The following NPTX1 variants were observed in gnomAD, a reference collection of about 807,000 sequenced individuals.
NPTX1 encodes neuronal pentraxin-1.
A neutral mutation model predicts 38.7 loss-of-function variants in NPTX1; 12 were observed. The observed-to-expected ratio is 0.31, with a 90% confidence interval of 0.20 to 0.50. NPTX1 has a LOEUF of 0.50. Among genes scored for constraint, NPTX1 ranks in the 20% least tolerant of loss-of-function variants. The pLI, the probability that NPTX1 is intolerant of heterozygous loss-of-function variation, is 0.98. For missense variants in NPTX1, 454 were observed against 592.2 expected (o/e 0.77, Z 2.42); for synonymous variants, 272 against 264.9 (o/e 1.03, Z -0.26).
rs370572568 is a variant in NPTX1, at chr17:80,471,783, C to T, written c.1026G>A (p.Ala342=). ...GTQGGSGENL[A]PYHPIKPQGV... The stretch of plus-strand genomic sequence containing the variant: ...CCTGGGGCTTGATGGGGTGATAGGG[C>T]GCCAAGTTCTCGCCACTGCCACCCT... The change falls in exon 4 of 5, where the codon GCG becomes GCA. Residue 342 remains alanine, a synonymous_variant. Coordinates refer to ENST00000306773, the MANE Select transcript of NPTX1 (RefSeq NM_002522.4). The T allele has an allele frequency of 1.9e-5, 30 of 1,613,142 alleles. No homozygotes were observed. The highest frequency in any genetic ancestry group is 1.3e-4 in the African/African-American group (10 of 74,936).
In NPTX1 at chr17:80,475,575, C is replaced by G. The variant is rs762907613; in HGVS notation, c.588G>C (p.Glu196Asp). The G allele has an allele frequency of 6.2e-7, 1 of 1,612,946 alleles. No individual in the cohort carries two copies. The highest frequency in any genetic ancestry group is 8.5e-7 in the Non-Finnish European group (1 of 1,179,924). Reference sequence around the variant, plus strand: ...GGGCGGTCTCGATCTTGACCCTCTCCTCGGTGTCGTTCCTGGGGCCCCCCT... The same window carrying G: ...GGGCGGTCTCGATCTTGACCCTCTCGTCGGTGTCGTTCCTGGGGCCCCCCT... ...EGKGGPRNDT[E>D]ERVKIETALT... The change falls in exon 2 of 5, where the codon GAG becomes GAC. Residue 196 changes from glutamate (E) to aspartate (D), a missense_variant. By Grantham distance (45) the Glu-to-Asp change is conservative. Transcript: ENST00000306773. The surrounding 1 kb of genome is among the most constrained non-coding windows in gnomAD (Gnocchi z 6.5).
In NPTX1 at chr17:80,475,438, T is replaced by TGGGG; in HGVS notation, c.652+72_652+73insCCCC. 1 of 1,099,666 alleles carries TGGGG rather than the reference T, an allele frequency of 9.1e-7. No homozygotes were observed. The highest frequency in any genetic ancestry group is 1.3e-6 in the Non-Finnish European group (1 of 789,828). 68.1% of individuals were successfully genotyped at this position (1,099,666 alleles called of 1,614,324 possible). On this transcript the variant is annotated intron_variant, in intron 2 of 4. Coordinates refer to ENST00000306773, the MANE Select transcript of NPTX1 (RefSeq NM_002522.4). This position sits in a 1 kb window ranked among gnomAD's most constrained non-coding sequence, Gnocchi z 6.5. Reference sequence around the variant, plus strand: ...CTTGCACAGTGCAGAGCTGGGCTGTTAGGGATCGGGACCGAGGCAGGGTCG... The same window carrying TGGGG: ...CTTGCACAGTGCAGAGCTGGGCTGTTGGGGAGGGATCGGGACCGAGGCAGGGTCG...
chr17:80,476,047 C>A lies in NPTX1; in HGVS notation c.400G>T (p.Gly134Trp), dbSNP rs763638088. 1.9e-6 allele frequency: 3 copies of A among 1,608,746 alleles called. No individual in the cohort carries two copies. The highest frequency in any genetic ancestry group is 2.2e-5 in the South Asian group (2 of 90,914). ...GTTTTGAGCGATTGCAAAGTTTGCC[C>A]GAGTTGGCTGAGCGTCTCGGCGGCC... Reference protein sequence around the residue: ...TPAAETLSQLGQTLQSLKTRL... With the variant: ...TPAAETLSQLWQTLQSLKTRL... The change falls in exon 1 of 5, where the codon GGG becomes TGG. Residue 134 changes from glycine (G) to tryptophan (W), a missense_variant. Physicochemically the swap from Gly to Trp is radical, Grantham distance 184 (BLOSUM62 -2). Around this residue, in one of 4 missense-constraint regions of NPTX1, gnomAD observed 288 missense variants for 318.4 expected, o/e 0.90. Transcript: ENST00000306773. This position sits in a 1 kb window ranked among gnomAD's most constrained non-coding sequence, Gnocchi z 6.3.
At position 80,476,586 on chromosome 17, in the gene NPTX1, G is replaced by T; in HGVS notation, c.-140C>A. ...CTTCGGCCGCGCGGTCCACACCGCC[G>T]CGCTATCAGGCCCCCACTGCCGCCT... On this transcript the variant is annotated 5_prime_UTR_variant, in exon 1 of 5. Coordinates refer to ENST00000306773, the MANE Select transcript of NPTX1 (RefSeq NM_002522.4). The surrounding 1 kb of genome is among the most constrained non-coding windows in gnomAD (Gnocchi z 6.3). 3.8e-6 allele frequency: 1 copy of T among 263,562 alleles called. No individual in the cohort carries two copies. The highest frequency in any genetic ancestry group is 5.9e-6 in the Non-Finnish European group (1 of 168,886). 16.3% of individuals were successfully genotyped at this position (263,562 alleles called of 1,614,324 possible). A position where few individuals can be genotyped will look rare whatever the true frequency, so the allele number is the denominator to read the frequency against.
At chr17:80,473,575 A>G in intron 2 of NPTX1, 131 bp from the exon 3 acceptor site, 1 of 897,220 alleles carries the variant, frequency 1.1e-6, no homozygotes, top group Non-Finnish European at 1.7e-6. Flanking sequence ...GGAGACGCAG[A>G]GCGGGTAGCT....
At chr17:80,471,085 G>C (rs561199179) in intron 4 of NPTX1, 51 bp from the exon 5 acceptor site, 5 of 1,433,342 alleles carry the variant, frequency 3.5e-6, no homozygotes, top group Admixed American at 3.9e-5. Context: ...GGTGGTCTGG[G>C]GGCCCATCCC....
Position 80,467,387 on chromosome 17 carries a change from C to T in NPTX1, c.*3426G>A, listed in dbSNP as rs2083812214. 1 of 152,566 alleles carries T rather than the reference C, an allele frequency of 6.6e-6. No homozygotes were observed. Among genetic ancestry groups the T allele is most frequent in the Admixed American group, 6.5e-5 (1 of 15,274 alleles). The allele number at this position is 152,566 out of a possible 1,614,324, so 9.5% of individuals were successfully genotyped here. A position where few individuals can be genotyped will look rare whatever the true frequency, so the allele number is the denominator to read the frequency against. ...CCTCTTAATGTGAACCACATGTAACCCAAGGTTCTTCTATCAAGGTTAGAA... is the reference window on the plus strand; with the variant it reads ...CCTCTTAATGTGAACCACATGTAACTCAAGGTTCTTCTATCAAGGTTAGAA... On this transcript the variant is annotated 3_prime_UTR_variant, in exon 5 of 5. Coordinates refer to ENST00000306773, the MANE Select transcript of NPTX1 (RefSeq NM_002522.4).
intron 4 of NPTX1, 102 bp from the exon 5 acceptor site, chr17:80,471,136 G>A (rs2083839676): frequency 9.6e-6 from 8 of 835,274 alleles, no homozygotes; most frequent in East Asian, 8.1e-5. Flanking sequence ...GCCCGATCAC[G>A]GACTCTCACG....
intron 3 of NPTX1, 29 bp downstream of exon 3, chr17:80,473,171 C>T (rs1307768106): frequency 1.2e-6 from 2 of 1,604,740 alleles, no homozygotes; most frequent in Admixed American, 1.7e-5. Context: ...CCTCGCCCTG[C>T]CGCCCTGTGA....
At chr17:80,472,326 TC>T (rs143446983) in intron 3 of NPTX1, among the ~76,000 whole-genome samples, 5,880 of 152,280 alleles carry the variant, frequency 0.039, 136 homozygotes, top group Non-Finnish European at 0.055. Context: ...TCTTCCGATG[TC>T]CCATCTCTAG....
intron 4 of NPTX1, 69 bp downstream of exon 4, chr17:80,471,663 C>T: frequency 1.9e-6 from 3 of 1,547,154 alleles, no homozygotes; most frequent in Non-Finnish European, 2.6e-6. Context: ...TCCCTCCTTG[C>T]TCCTCTTCCC....
chr17:80,474,979 G>A (rs1205993149), intron 2 of NPTX1, among the ~76,000 whole-genome samples: 1 of 152,196 alleles, frequency 6.6e-6, no homozygotes, highest in Non-Finnish European at 1.5e-5. Flanking sequence ...CCTCAGGGTA[G>A]GGGTTCAGGA....
At position 80,470,774 on chromosome 17, in the gene NPTX1, G is replaced by A. The variant is rs199947780; in HGVS notation, c.*39C>T. ...AAAACAGATCATCGCCGCACAAGCA[G>A]GGGGCGAGGGCGGGCGGGCTCAGCC... On this transcript the variant is annotated 3_prime_UTR_variant, in exon 5 of 5. Coordinates refer to ENST00000306773, the MANE Select transcript of NPTX1 (RefSeq NM_002522.4). The A allele has an allele frequency of 2.9e-6, 4 of 1,366,304 alleles. No individual in the cohort carries two copies. The East Asian group carries it at 6.9e-5, about 24-fold the overall frequency. The allele number at this position is 1,366,304 out of a possible 1,614,324, so 84.6% of individuals were successfully genotyped here. A position where few individuals can be genotyped will look rare whatever the true frequency, so the allele number is the denominator to read the frequency against.
At chr17:80,472,779 G>C (rs1413720638) in intron 3 of NPTX1, among the ~76,000 whole-genome samples, 2 of 152,212 alleles carry the variant, frequency 1.3e-5, no homozygotes, top group African/African-American at 4.8e-5. Context: ...CCGAGAGTTA[G>C]GGGGCTGAGT....
chr17:80,471,432 C>T (rs1341808643), intron 4 of NPTX1, among the ~76,000 whole-genome samples: 1 of 152,226 alleles, frequency 6.6e-6, no homozygotes, highest in Non-Finnish European at 1.5e-5. Context: ...CTCCCAGGTG[C>T]CCAACAGGAG....
rs1281052786 is a variant in NPTX1 at position 80,468,497 on chromosome 17, C to CCGCA, written c.*2312_*2315dup. On this transcript the variant is annotated 3_prime_UTR_variant, in exon 5 of 5. Coordinates refer to ENST00000306773, the MANE Select transcript of NPTX1 (RefSeq NM_002522.4). The stretch of plus-strand genomic sequence containing the variant: ...CTGGCAGGGGAGCACCCCACACAGC[C>CCGCA]CGCACCGGGCGTTGCCTACACAAGG... 6.6e-6 allele frequency: 1 copy of CCGCA among 152,288 alleles called. No individual in the cohort carries two copies. Among genetic ancestry groups the CCGCA allele is most frequent in the Non-Finnish European group, 1.5e-5 (1 of 68,096 alleles). 9.4% of individuals were successfully genotyped at this position (152,288 alleles called of 1,614,324 possible).
In NPTX1 at chr17:80,475,496, C is replaced by G; in HGVS notation, c.652+15G>C. On this transcript the variant is annotated intron_variant, in intron 2 of 4. Coordinates refer to ENST00000306773, the MANE Select transcript of NPTX1 (RefSeq NM_002522.4). This position sits in a 1 kb window ranked among gnomAD's most constrained non-coding sequence, Gnocchi z 6.5. ...AGGTGCAGGCAGGCAGCACGGCTCC[C>G]CCTGGCCCCAGTACCTTTCTCGAGC... 6.3e-7 allele frequency: 1 copy of G among 1,598,732 alleles called. No homozygotes were observed. Among genetic ancestry groups the G allele is most frequent in the Non-Finnish European group, 8.5e-7 (1 of 1,174,356 alleles).
intron 3 of NPTX1, 81 bp downstream of exon 3, chr17:80,473,119 A>G: frequency 6.5e-7 from 1 of 1,537,774 alleles, no homozygotes; most frequent in African/African-American, 1.4e-5. Context: ...TGAGGCCACC[A>G]TAGCCCTGTC....
chr17:80,472,975 G>A (rs919323934), intron 3 of NPTX1, among the ~76,000 whole-genome samples: 5 of 152,208 alleles, frequency 3.3e-5, no homozygotes, highest in Non-Finnish European at 5.9e-5. Flanking sequence ...CACCCCAGGA[G>A]GCATCCGGGA....
Sources: allele counts gnomAD v4.1 joint callset (sites outside exome capture counted in the v4.1 genomes callset), GRCh38; gene constraint gnomAD v4.1.1; regional missense constraint gnomAD v4.1.1; non-coding constraint Gnocchi (gnomAD v3.1); transcripts MANE v1.5; gene names NCBI Gene and HGNC (gene_info 2026-07-23, HGNC 2026-07-21).